The following ZNF236 variants were observed in gnomAD, a reference collection of about 807,000 sequenced individuals.
The protein encoded by ZNF236 is regulated by glucose.
In ZNF236, 50 loss-of-function variants were observed where a neutral mutation model predicts 191.2. The ratio of observed to expected loss-of-function variants is 0.26; its 90% CI spans 0.21 to 0.33. The LOEUF (loss-of-function observed/expected upper bound fraction) is 0.33, where lower values mean the gene tolerates loss of function less well. Ranked by LOEUF, ZNF236 falls within the 10% of genes least tolerant of loss-of-function variation. The pLI, the probability that ZNF236 is intolerant of heterozygous loss-of-function variation, is 1.00. For missense variants in ZNF236, 1,754 were observed against 2,374.5 expected (o/e 0.74, Z 5.43); for synonymous variants, 907 against 928.8 (o/e 0.98, Z 0.43).
chr18:76,927,104 G>A lies in ZNF236; in HGVS notation c.4095G>A (p.Gln1365=). 1 of 1,613,992 alleles carries A rather than the reference G, an allele frequency of 6.2e-7. No homozygotes were observed. ...SLATLEGIQL[Q]LAANLVGPNV... ...CTACCCTAGAAGGCATCCAGTTACA[G>A]TTGGCTGCTAACTTGGTTGGACCAA... is the stretch of plus-strand genomic sequence containing the variant. Residue 1365 remains glutamine (Q), a synonymous_variant, in exon 23 of 31, where the codon CAG becomes CAA. Coordinates refer to ENST00000320610, the MANE Select transcript of ZNF236 (RefSeq NM_001306089.2). The surrounding 1 kb of genome is among the most constrained non-coding windows in gnomAD (Gnocchi z 5.4).
intron 1 of ZNF236, among the ~76,000 whole-genome samples, chr18:76,825,763 A>G (rs1378035692): frequency 1.3e-5 from 2 of 149,086 alleles, no homozygotes; most frequent in Non-Finnish European, 3.0e-5. Flanking sequence ...GAAGGCTTCT[A>G]GGGCCTCTTT....
Position 76,866,423 on chromosome 18 carries a change from TG to T in ZNF236, c.364-2255del, listed in dbSNP as rs542485322. 3.9e-5 allele frequency among the ~76,000 whole-genome samples: 6 copies of T among 151,990 alleles called. No individual in the cohort carries two copies. In the East Asian group the frequency reaches 9.7e-4, roughly 25 times the overall value. On this transcript the variant is annotated intron_variant, in intron 3 of 30. Coordinates refer to ENST00000320610, the MANE Select transcript of ZNF236 (RefSeq NM_001306089.2). Reference sequence around the variant, plus strand: ...GCCAGGACAGGAGACAGGATGATGATGGGGGGGATCCTGGAGGGGATTCGGA... The same window carrying T: ...GCCAGGACAGGAGACAGGATGATGATGGGGGGATCCTGGAGGGGATTCGGA...
intron 1 of ZNF236, among the ~76,000 whole-genome samples, chr18:76,829,902 C>T (rs181622158): frequency 1.3e-4 from 20 of 152,290 alleles, no homozygotes; most frequent in Admixed American, 7.8e-4. Flanking sequence ...GACGGAGTCT[C>T]GCCCTGTTGC....
chr18:76,945,408 G>T (rs981577613), intron 26 of ZNF236, among the ~76,000 whole-genome samples: 3 of 152,228 alleles, frequency 2.0e-5, no homozygotes, highest in African/African-American at 7.2e-5. Context: ...TCACAAAAAA[G>T]TATAGCATTC....
At chr18:76,869,575 A>C (rs561237693) in intron 4 of ZNF236, among the ~76,000 whole-genome samples, 1 of 152,358 alleles carries the variant, frequency 6.6e-6, no homozygotes, top group Non-Finnish European at 1.5e-5. Context: ...GTGAAATAAA[A>C]TATTCTTCCT....
At chr18:76,829,889 T>C (rs1304668202) in intron 1 of ZNF236, among the ~76,000 whole-genome samples, 1 of 152,232 alleles carries the variant, frequency 6.6e-6, no homozygotes, top group Non-Finnish European at 1.5e-5. Flanking sequence ...TTTTCTTTTT[T>C]GAGACGGAGT....
In ZNF236 at chr18:76,838,499, G is replaced by A. The variant is rs1007336180; in HGVS notation, c.56-11027G>A. ...TCCAGATGGAGTCATAGTTTACAGT[G>A]TAGTGCAGGAGTTGGCAAGTATTCT... On this transcript the variant is annotated intron_variant, in intron 1 of 30. Coordinates refer to ENST00000320610, the MANE Select transcript of ZNF236 (RefSeq NM_001306089.2). Among the ~76,000 whole-genome samples, 15 of 152,344 alleles carry A rather than the reference G, an allele frequency of 9.8e-5. No individual in the cohort carries two copies. The South Asian group carries it at 3.1e-3, about 32-fold the overall frequency.
At chr18:76,861,454 C>T (rs966009058) in intron 3 of ZNF236, among the ~76,000 whole-genome samples, 8 of 152,066 alleles carry the variant, frequency 5.3e-5, no homozygotes, top group Non-Finnish European at 7.3e-5. Context: ...AGTGGTTGGG[C>T]GGCTGCGAAA....
At chr18:76,879,893 CTG>C (rs530545288) in intron 7 of ZNF236, among the ~76,000 whole-genome samples, 66 of 152,244 alleles carry the variant, frequency 4.3e-4, no homozygotes, top group Non-Finnish European at 7.8e-4. Flanking sequence ...CTGGAAAAAA[CTG>C]TACAAAATTG....
At position 76,902,759 on chromosome 18, in the gene ZNF236, TA is replaced by T. The variant is rs751093306; in HGVS notation, c.1895-1620del. Among the ~76,000 whole-genome samples, 106 of 152,194 alleles carry T rather than the reference TA, an allele frequency of 7.0e-4. No individual in the cohort carries two copies. In the Middle Eastern group the frequency reaches 0.01, roughly 15 times the overall value. ...GTAATTTTTGTATTTTTTGTATTTT[TA>T]TTTTTTTTTAAGTAGAGACGGGGTT... On this transcript the variant is annotated intron_variant, in intron 11 of 30. Transcript: ENST00000320610.
chr18:76,896,324 C>A (rs1977408055), intron 10 of ZNF236, among the ~76,000 whole-genome samples: 1 of 151,246 alleles, frequency 6.6e-6, no homozygotes, highest in South Asian at 2.1e-4. Context: ...CACACACAGG[C>A]ATTGCCCACA....
chr18:76,870,920 G>C (rs1976566200), intron 4 of ZNF236, among the ~76,000 whole-genome samples: 1 of 152,194 alleles, frequency 6.6e-6, no homozygotes, highest in African/African-American at 2.4e-5. Context: ...GGTGTGACCA[G>C]ACTTTCGGGT....
At chr18:76,922,964 C>G in intron 20 of ZNF236, 107 bp from the exon 21 acceptor site, 2 of 820,282 alleles carry the variant, frequency 2.4e-6, no homozygotes, top group Non-Finnish European at 3.9e-6. Flanking sequence ...TTTTCTTGGC[C>G]AAACTTAAGC....
In ZNF236 at chr18:76,925,649, C is replaced by T. The variant is rs545060870; in HGVS notation, c.4027+95C>T. 5.2e-5 allele frequency: 75 copies of T among 1,453,452 alleles called. No homozygotes were observed. The African/African-American group carries it at 6.9e-4, about 13-fold the overall frequency. 90.0% of individuals were successfully genotyped at this position (1,453,452 alleles called of 1,614,324 possible). ...CCACGACAGAAGAGATGTTGTTTAC[C>T]GTAGCACCACGTTTCCCTTCTTTGA... On this transcript the variant is annotated intron_variant, in intron 22 of 30. Transcript: ENST00000320610. This position sits in a 1 kb window ranked among gnomAD's most constrained non-coding sequence, Gnocchi z 5.7.
intron 20 of ZNF236, among the ~76,000 whole-genome samples, chr18:76,922,558 G>GTCTTTTTTTTT (rs1568231737): frequency 1.4e-5 from 2 of 142,326 alleles, no homozygotes; most frequent in Non-Finnish European, 3.1e-5. Context: ...TAAGGAAATT[G>GTCTTTTTTTTT]TCTTTTTTTT....
intron 6 of ZNF236, among the ~76,000 whole-genome samples, chr18:76,877,376 C>T (rs895317916): frequency 7.9e-5 from 12 of 151,954 alleles, no homozygotes; most frequent in African/African-American, 2.7e-4. Context: ...GGCACGATGG[C>T]AGGCGCCTGT....
intron 1 of ZNF236, among the ~76,000 whole-genome samples, chr18:76,845,870 A>T (rs72983353): frequency 6.6e-6 from 1 of 151,566 alleles, no homozygotes. Flanking sequence ...AAAATTAGCT[A>T]TCCCCCAGAA....
At chr18:76,841,405 A>G (rs72983343) in intron 1 of ZNF236, among the ~76,000 whole-genome samples, 29,685 of 152,214 alleles carry the variant, frequency 0.2, 3,423 homozygotes, top group Middle Eastern at 0.29. Flanking sequence ...AGTCTGCTGT[A>G]ATAATATGAG....
rs1468419988 is a variant in ZNF236, at chr18:76,934,998, C to T, written c.4595-2158C>T. Among the ~76,000 whole-genome samples the T allele has an allele frequency of 2.6e-5, 4 of 152,102 alleles. No individual in the cohort carries two copies. In the East Asian group the frequency reaches 5.8e-4, roughly 22 times the overall value. On this transcript the variant is annotated intron_variant, in intron 25 of 30. Coordinates refer to ENST00000320610, the MANE Select transcript of ZNF236 (RefSeq NM_001306089.2). ...ATCATAAAGTCAGACTTGTATTGCT[C>T]TATACATGCTGGAGGAACAGTGGTT...
Sources: gnomAD v4.1 joint callset for allele counts (sites outside exome capture counted in the v4.1 genomes callset) on GRCh38, gnomAD v4.1.1 for gene constraint, Gnocchi (gnomAD v3.1) non-coding constraint, MANE v1.5 for transcripts, NCBI Gene and HGNC (gene_info 2026-07-23, HGNC 2026-07-21) for gene names.